TCF12: variants seen among roughly 807,000 people sequenced by gnomAD.
TCF12 encodes the protein transcription factor 12.
A neutral mutation model predicts 86.0 loss-of-function variants in TCF12; 45 were observed. That is an observed-to-expected ratio of 0.52 (90% CI 0.41 to 0.67). TCF12 has a LOEUF of 0.67. Ranked by LOEUF, TCF12 falls within the 30% of genes least tolerant of loss-of-function variation. TCF12 has a pLI of 0.00. For synonymous variants in TCF12, 330 were observed against 299.6 expected, an observed-to-expected ratio of 1.10 and a Z score of -1.05; for missense variants, 881 against 859.9, an observed-to-expected ratio of 1.02 and a Z score of -0.31.
intron 3 of TCF12, among the ~76,000 whole-genome samples, chr15:56,942,305 G>T (rs1420283076): frequency 5.3e-5 from 8 of 152,142 alleles, no homozygotes; most frequent in African/African-American, 1.9e-4. Context: ...CCACTTTTTG[G>T]TGAAGATACT....
intron 4 of TCF12, among the ~76,000 whole-genome samples, chr15:57,066,912 G>A (rs1240661259): frequency 6.6e-6 from 1 of 152,116 alleles, no homozygotes; most frequent in East Asian, 1.9e-4. Context: ...TTTTTGCTAT[G>A]TACACTATTT....
intron 3 of TCF12, among the ~76,000 whole-genome samples, chr15:56,956,326 AT>A (rs1486769246): frequency 6.9e-4 from 104 of 151,104 alleles, no homozygotes; most frequent in African/African-American, 2.3e-3. Flanking sequence ...TTAATAGAAT[AT>A]TTTTTATTCT....
Position 57,234,060 on chromosome 15 carries a change from G to A in TCF12, c.988G>A (p.Ala330Thr), listed in dbSNP as rs773217083. The change falls in exon 12 of 21, where the codon GCT becomes ACT. Residue 330 changes from alanine to threonine, a missense_variant. Ala to Thr is a moderately conservative substitution (Grantham distance 58). Transcript: ENST00000333725. ...DSILGTRGNA[A>T]GSSQTGDALG... ...ATATCCAGGAACCAGAGGGAATGCT[G>A]CTGGAAGCTCACAGACAGGTGATGC... 77 of 1,613,404 alleles carry A rather than the reference G, an allele frequency of 4.8e-5. No individual in the cohort carries two copies. Among genetic ancestry groups the A allele is most frequent in the Non-Finnish European group, 6.0e-5 (71 of 1,179,580 alleles).
intron 3 of TCF12, among the ~76,000 whole-genome samples, chr15:57,025,178 A>G (rs961419191): frequency 6.6e-6 from 1 of 151,742 alleles, no homozygotes; most frequent in African/African-American, 2.4e-5. Context: ...CTCCTGGGTT[A>G]AAGCTGTTCT....
chr15:57,255,609 G>A (rs760106674), intron 16 of TCF12, among the ~76,000 whole-genome samples: 17 of 151,854 alleles, frequency 1.1e-4, no homozygotes, highest in Non-Finnish European at 1.6e-4. Flanking sequence ...TCAGCCTCCC[G>A]AATAGCTGGG....
chr15:57,165,101 CCTT>C (rs1567547182), intron 5 of TCF12, among the ~76,000 whole-genome samples: 1 of 150,520 alleles, frequency 6.6e-6, no homozygotes, highest in East Asian at 2.0e-4. Context: ...TACCAGTTTC[CCTT>C]CTTTGTGTCT....
chr15:57,198,157 A>AC (rs1180682140), intron 8 of TCF12, among the ~76,000 whole-genome samples: 2 of 152,202 alleles, frequency 1.3e-5, no homozygotes, highest in Non-Finnish European at 2.9e-5. Flanking sequence ...ATGTTGCTGA[A>AC]CAGGAGGACA....
At chr15:57,075,938 A>G (rs75128554) in intron 4 of TCF12, among the ~76,000 whole-genome samples, 12,186 of 148,870 alleles carry the variant, frequency 0.082, 865 homozygotes, top group Admixed American at 0.2. Context: ...ATCGTGGCCT[A>G]TTGCAGCATT....
chr15:57,270,815 C>T (rs1383066546), intron 18 of TCF12, among the ~76,000 whole-genome samples: 1 of 152,182 alleles, frequency 6.6e-6, no homozygotes, highest in Non-Finnish European at 1.5e-5. Context: ...TTCTAACAGA[C>T]CGGCCCCTCA....
At chr15:56,936,777 C>A (rs754919079) in intron 3 of TCF12, among the ~76,000 whole-genome samples, 1 of 151,886 alleles carries the variant, frequency 6.6e-6, no homozygotes, top group South Asian at 2.1e-4. Flanking sequence ...TGTTGAAGAT[C>A]GGCTTTAAGT....
chr15:57,044,397 T>TA (rs200022094), intron 3 of TCF12, among the ~76,000 whole-genome samples: 6,141 of 150,808 alleles, frequency 0.041, 371 homozygotes, highest in Admixed American at 0.17. Flanking sequence ...CCCCGTCTCT[T>TA]AAAAAAAAAA....
chr15:56,993,541 T>G (rs1596008002), intron 3 of TCF12, among the ~76,000 whole-genome samples: 1 of 152,178 alleles, frequency 6.6e-6, no homozygotes, highest in East Asian at 1.9e-4. Flanking sequence ...TGAGACCACG[T>G]GTAAAGAGAA....
chr15:57,221,030 G>A (rs1197894790), intron 8 of TCF12, among the ~76,000 whole-genome samples: 5 of 152,100 alleles, frequency 3.3e-5, no homozygotes, highest in African/African-American at 1.2e-4. Flanking sequence ...TTTTAAAGTA[G>A]CCTATGGCTA....
At chr15:57,126,461 A>G (rs1239994760) in intron 5 of TCF12, among the ~76,000 whole-genome samples, 1 of 152,196 alleles carries the variant, frequency 6.6e-6, no homozygotes, top group Non-Finnish European at 1.5e-5. Context: ...TCTCCAGTAT[A>G]ACATGCTCTG....
intron 16 of TCF12, among the ~76,000 whole-genome samples, chr15:57,254,857 C>CAAAAA (rs777934020): frequency 7.8e-5 from 8 of 102,574 alleles, no homozygotes; most frequent in Middle Eastern, 4.6e-3. Context: ...GACCCTGTCT[C>CAAAAA]AAAAAAAAAA....
chr15:57,132,445 A>G (rs1217683861), intron 5 of TCF12, among the ~76,000 whole-genome samples: 1 of 152,202 alleles, frequency 6.6e-6, no homozygotes, highest in Non-Finnish European at 1.5e-5. Flanking sequence ...GCAAAAATTA[A>G]TCACCCAAGT....
rs1555501431 is a variant in TCF12 at position 57,086,212 on chromosome 15, G to GATAACAATAATAATA, written c.223-5573_223-5572insCAATAATAATAATAA. Among the ~76,000 whole-genome samples the GATAACAATAATAATA allele has an allele frequency of 2.0e-3, 279 of 141,612 alleles. 2 individuals are homozygous for GATAACAATAATAATA. The highest frequency in any genetic ancestry group is 6.8e-3 in the African/African-American group (263 of 38,702). 92.9% of individuals were successfully genotyped at this position (141,612 alleles called of 152,430 possible). ...CATAATCTCTAACTTGGATGATGATGATAATAATAATAATAATAATAATAA... is the reference window on the plus strand; with the variant it reads ...CATAATCTCTAACTTGGATGATGATGATAACAATAATAATAATAATAATAATAATAATAATAATAA... On this transcript the variant is annotated intron_variant, in intron 4 of 20. Transcript: ENST00000333725.
At chr15:56,984,659 A>C (rs1031858814) in intron 3 of TCF12, among the ~76,000 whole-genome samples, 37 of 152,218 alleles carry the variant, frequency 2.4e-4, no homozygotes, top group African/African-American at 8.4e-4. Context: ...AAGCACCCAA[A>C]GAAGCCATTT....
chr15:56,952,978 G>A (rs946535716), intron 3 of TCF12, among the ~76,000 whole-genome samples: 1 of 152,044 alleles, frequency 6.6e-6, no homozygotes, highest in African/African-American at 2.4e-5. Context: ...TATGTTAGTT[G>A]TAGGCTTTTT....
Sources: gnomAD v4.1 joint callset for allele counts (sites outside exome capture counted in the v4.1 genomes callset) on GRCh38, gnomAD v4.1.1 for gene constraint, MANE v1.5 for transcripts, NCBI Gene and HGNC (gene_info 2026-07-23, HGNC 2026-07-21) for gene names.